The following GYS2 variants were observed in gnomAD, a reference collection of about 807,000 sequenced individuals.
GYS2 encodes glycogen synthase 2.
In GYS2, 80 loss-of-function variants were observed where a neutral mutation model predicts 85.6. The observed-to-expected ratio is 0.93, with a 90% CI of 0.78 to 1.13. The LOEUF (loss-of-function observed/expected upper bound fraction) is 1.13, where lower values mean the gene tolerates loss of function less well. Among genes scored for constraint, GYS2 ranks in the 50% most tolerant of loss-of-function variants. The pLI, the probability that GYS2 is intolerant of heterozygous loss-of-function variation, is 0.00. For synonymous variants in GYS2, 328 were observed against 300.7 expected, an observed-to-expected ratio of 1.09 and a Z score of -0.94; for missense variants, 881 against 854.9, an observed-to-expected ratio of 1.03 and a Z score of -0.38.
In GYS2 at chr12:21,542,577, T is replaced by C. The variant is rs530635847; in HGVS notation, c.1564A>G (p.Met522Val). The C allele has an allele frequency of 3.7e-6, 6 of 1,611,820 alleles. No homozygotes were observed. The highest frequency in any genetic ancestry group is 5.1e-6 in the Non-Finnish European group (6 of 1,178,056). ...WGYTPAECTV[M>V]GIPSVTTNLS... ...TTCGTGGTCACACTGGGGATACCCA[T>C]CACAGTGCATTCAGCTGCCAGGGGA... is the stretch of plus-strand genomic sequence containing the variant. The change falls in exon 13 of 16, where the codon ATG becomes GTG. Residue 522 changes from methionine (M) to valine (V), a missense_variant. Physicochemically the swap from Met to Val is conservative, Grantham distance 21. Coordinates refer to ENST00000261195, the MANE Select transcript of GYS2 (RefSeq NM_021957.4).
chr12:21,580,245 G>GT, intron 2 of GYS2, 97 bp downstream of exon 2: 1 of 1,108,152 alleles, frequency 9.0e-7, no homozygotes, highest in Middle Eastern at 2.0e-4. Context: ...TTTTCCTTAA[G>GT]TAAGTGAATG....
intron 1 of GYS2, among the ~76,000 whole-genome samples, chr12:21,594,474 G>A (rs896408634): frequency 2.0e-5 from 3 of 151,986 alleles, no homozygotes; most frequent in Admixed American, 1.3e-4. Flanking sequence ...AGCTGAGAAG[G>A]AAATTAAGAA....
chr12:21,532,893 C>T (rs897149393), downstream of GYS2: 3 of 152,146 alleles, frequency 2.0e-5, no homozygotes, highest in South Asian at 2.1e-4. Flanking sequence ...ACTCAAATTC[C>T]TTGAATGTTC....
At chr12:21,602,520 C>T (rs556690824) in intron 1 of GYS2, among the ~76,000 whole-genome samples, 25 of 152,036 alleles carry the variant, frequency 1.6e-4, no homozygotes, top group African/African-American at 6.0e-4. Context: ...ATATGAAAAT[C>T]TCAAACCATA....
intron 1 of GYS2, among the ~76,000 whole-genome samples, chr12:21,585,021 G>A (rs1450734716): frequency 3.3e-5 from 5 of 152,182 alleles, no homozygotes; most frequent in Non-Finnish European, 5.9e-5. Flanking sequence ...CTGGGGCAAA[G>A]TTCTCCAGAA....
At chr12:21,534,625 A>T (rs576751031), downstream of GYS2, among the ~76,000 whole-genome samples, 1 of 152,112 alleles carries the variant, frequency 6.6e-6, no homozygotes, top group Non-Finnish European at 1.5e-5. Flanking sequence ...GAAAGAAAAA[A>T]AGAGAGAAAG....
At position 21,583,080 on chromosome 12, in the gene GYS2, A is replaced by C. The variant is rs371015731; in HGVS notation, c.122-2557T>G. Among the ~76,000 whole-genome samples, 125 of 152,274 alleles carry C rather than the reference A, an allele frequency of 8.2e-4. 2 individuals carry two copies. Among genetic ancestry groups the C allele is most frequent in the African/African-American group, 2.9e-3 (119 of 41,546 alleles). On this transcript the variant is annotated intron_variant, in intron 1 of 15. Transcript: ENST00000261195. ...TGTGCCATAATCTTATTTGGAGAGA[A>C]CTTGCTCACCTTTCACTTCCACAAG... is the stretch of plus-strand genomic sequence containing the variant.
At chr12:21,569,578 T>C (rs1355865420) in intron 4 of GYS2, among the ~76,000 whole-genome samples, 1 of 152,248 alleles carries the variant, frequency 6.6e-6, no homozygotes, top group Non-Finnish European at 1.5e-5. Flanking sequence ...TTATCTATGC[T>C]TCTGGGTAGC....
At chr12:21,590,341 G>A (rs965060589) in intron 1 of GYS2, among the ~76,000 whole-genome samples, 6 of 152,202 alleles carry the variant, frequency 3.9e-5, no homozygotes, top group Non-Finnish European at 5.9e-5. Context: ...TAAGCAAGTT[G>A]TCTGGGAACC....
At chr12:21,582,156 C>A (rs1480229316) in intron 1 of GYS2, among the ~76,000 whole-genome samples, 1 of 152,088 alleles carries the variant, frequency 6.6e-6, no homozygotes, top group East Asian at 1.9e-4. Context: ...AAAAAACCAA[C>A]CTCATTAGAA....
At chr12:21,545,180 C>G (rs1038654606) in intron 12 of GYS2, among the ~76,000 whole-genome samples, 1 of 152,144 alleles carries the variant, frequency 6.6e-6, no homozygotes, top group Non-Finnish European at 1.5e-5. Flanking sequence ...TGATGGCTCA[C>G]GTCTATAATC....
chr12:21,550,530 A>T (rs1944095390), intron 11 of GYS2, among the ~76,000 whole-genome samples: 1 of 152,094 alleles, frequency 6.6e-6, no homozygotes, highest in Non-Finnish European at 1.5e-5. Context: ...TTGGACTCTG[A>T]TGCCTTTCTC....
At chr12:21,545,636 C>T (rs1944029574) in intron 12 of GYS2, among the ~76,000 whole-genome samples, 1 of 152,066 alleles carries the variant, frequency 6.6e-6, no homozygotes, top group Admixed American at 6.5e-5. Context: ...GGCAACCATG[C>T]CAGTTCGGTC....
chr12:21,565,786 T>C (rs80109529), intron 5 of GYS2, among the ~76,000 whole-genome samples: 2,485 of 129,608 alleles, frequency 0.019, 26 homozygotes, highest in Middle Eastern at 0.03. Context: ...TGGTCACTAA[T>C]TTCTTGCTAT....
At chr12:21,548,651 G>A (rs1176548105) in intron 11 of GYS2, among the ~76,000 whole-genome samples, 2 of 152,006 alleles carry the variant, frequency 1.3e-5, no homozygotes, top group East Asian at 1.9e-4. Flanking sequence ...GGCCCACACT[G>A]GAAACGCAGA....
chr12:21,602,731 G>T (rs1944768219), intron 1 of GYS2, among the ~76,000 whole-genome samples: 1 of 146,944 alleles, frequency 6.8e-6, no homozygotes, highest in Non-Finnish European at 1.5e-5. Flanking sequence ...TATGTACCAG[G>T]CACTGTTCTA....
chr12:21,570,817 T>C (rs1458567048), intron 4 of GYS2, among the ~76,000 whole-genome samples: 1 of 152,214 alleles, frequency 6.6e-6, no homozygotes, highest in Non-Finnish European at 1.5e-5. Flanking sequence ...AAAGCCACTC[T>C]GAAAGTGTTT....
intron 5 of GYS2, among the ~76,000 whole-genome samples, chr12:21,567,940 G>T (rs1944341539): frequency 6.6e-6 from 1 of 152,010 alleles, no homozygotes; most frequent in Non-Finnish European, 1.5e-5. Flanking sequence ...GGGCGTGGTG[G>T]CAGGTGCCTG....
At chr12:21,551,604 A>G (rs915215294) in intron 11 of GYS2, among the ~76,000 whole-genome samples, 38 of 152,174 alleles carry the variant, frequency 2.5e-4, no homozygotes, top group African/African-American at 8.2e-4. Context: ...ATTATATCTC[A>G]GCAGATCCAT....
Sources: allele counts gnomAD v4.1 joint callset (sites outside exome capture counted in the v4.1 genomes callset), GRCh38; gene constraint gnomAD v4.1.1; transcripts MANE v1.5; gene names NCBI Gene and HGNC (gene_info 2026-07-23, HGNC 2026-07-21).